The following CAST variants were observed in gnomAD, a reference collection of about 807,000 sequenced individuals.
The protein encoded by CAST is MIR583 host.
CAST carries 76 observed loss-of-function variants against 119.6 expected under a neutral mutation model. The observed-to-expected ratio is 0.64, with a 90% CI of 0.53 to 0.77. The LOEUF (loss-of-function observed/expected upper bound fraction) is 0.77, where lower values mean the gene tolerates loss of function less well. Among genes scored for constraint, CAST ranks in the 30% least tolerant of loss-of-function variants. The pLI is 0.00. For synonymous variants in CAST, 319 were observed against 331.6 expected, an observed-to-expected ratio of 0.96 and a Z score of 0.41; for missense variants, 953 against 946.5, an observed-to-expected ratio of 1.01 and a Z score of -0.09.
intron 4 of CAST, 105 bp from the exon 5 acceptor site, chr5:96,726,689 T>C (rs1040638673): frequency 1.2e-5 from 9 of 738,052 alleles, no homozygotes; most frequent in African/African-American, 5.3e-5. Flanking sequence ...GTAGATGCAA[T>C]AGATGAATAG....
the CAST span, among the ~76,000 whole-genome samples, chr5:96,474,798 T>C: frequency 6.6e-6 from 1 of 152,164 alleles, no homozygotes; most frequent in Non-Finnish European, 1.5e-5. Context: ...AGGTACTCTA[T>C]GAGATACCGT....
At chr5:96,559,930 C>T (rs1168555765) in intron 1 of CAST, among the ~76,000 whole-genome samples, 4 of 152,112 alleles carry the variant, frequency 2.6e-5, no homozygotes, top group South Asian at 2.1e-4. Flanking sequence ...AAGCTGGAGG[C>T]GTCACACTAC....
the CAST span, among the ~76,000 whole-genome samples, chr5:96,242,695 T>C: frequency 2.0e-5 from 3 of 152,222 alleles, no homozygotes; most frequent in Admixed American, 2.0e-4. Flanking sequence ...CTGAAGGTGA[T>C]TTTCTTTTGT....
chr5:96,387,389 C>T, the CAST span, among the ~76,000 whole-genome samples: 53,838 of 151,868 alleles, frequency 0.35, 9,796 homozygotes, highest in Admixed American at 0.44. Context: ...ATGACCAGAG[C>T]CAAGGGCCTA....
intron 1 of CAST, among the ~76,000 whole-genome samples, chr5:96,534,769 G>GA (rs753049745): frequency 1.8e-5 from 2 of 110,356 alleles, no homozygotes; most frequent in Non-Finnish European, 3.8e-5. Context: ...AAGAAAGAAA[G>GA]AAAGAAAGAA....
intron 1 of CAST, among the ~76,000 whole-genome samples, chr5:96,622,421 T>G (rs1747630034): frequency 6.6e-6 from 1 of 152,148 alleles, no homozygotes; most frequent in Non-Finnish European, 1.5e-5. Flanking sequence ...TTACATAAAA[T>G]CTGGCTCCAG....
the CAST span, among the ~76,000 whole-genome samples, chr5:96,384,327 T>C: frequency 6.6e-6 from 1 of 152,200 alleles, no homozygotes; most frequent in East Asian, 1.9e-4. Context: ...ACATCTGTAC[T>C]CTAGTGACAA....
chr5:96,598,546 T>A (rs1176339997), intron 1 of CAST, among the ~76,000 whole-genome samples: 1 of 152,214 alleles, frequency 6.6e-6, no homozygotes, highest in Non-Finnish European at 1.5e-5. Context: ...TTGGGTGACA[T>A]GGGCTGGATC....
chr5:96,378,005 G>A, the CAST span, among the ~76,000 whole-genome samples: 38 of 152,244 alleles, frequency 2.5e-4, no homozygotes, highest in East Asian at 6.6e-3. Context: ...CCTGCCATCT[G>A]TGACCATATG....
At chr5:96,661,739 TG>T (rs1271295564), upstream of CAST, among the ~76,000 whole-genome samples, 3 of 152,246 alleles carry the variant, frequency 2.0e-5, no homozygotes, top group African/African-American at 7.2e-5. Context: ...GGTTTAAATT[TG>T]GGACTGTTCT....
At chr5:96,260,817 G>A in the CAST span, among the ~76,000 whole-genome samples, 4 of 152,312 alleles carry the variant, frequency 2.6e-5, no homozygotes, top group East Asian at 1.9e-4. Flanking sequence ...TAGCTCTTCC[G>A]TGTTGCTTAA....
intron 18 of CAST, 72 bp from the exon 19 acceptor site, chr5:96,748,446 C>T (rs1764248599): frequency 4.3e-6 from 3 of 689,808 alleles, no homozygotes; most frequent in South Asian, 4.4e-5. Flanking sequence ...AAAAAAATTG[C>T]TCCATGAAAA....
intron 1 of CAST, among the ~76,000 whole-genome samples, chr5:96,546,821 A>G (rs1403854719): frequency 6.6e-6 from 1 of 152,148 alleles, no homozygotes; most frequent in East Asian, 1.9e-4. Context: ...TTCCTAAGTG[A>G]TTGCTGTCTG....
At chr5:96,445,563 A>C in the CAST span, among the ~76,000 whole-genome samples, 17 of 152,156 alleles carry the variant, frequency 1.1e-4, no homozygotes, top group African/African-American at 3.4e-4. Context: ...CTCTTCATAC[A>C]GTTTCTTCAT....
chr5:96,545,306 C>T (rs1256226254), intron 1 of CAST: 2 of 152,170 alleles, frequency 1.3e-5, no homozygotes, highest in Non-Finnish European at 2.9e-5. Flanking sequence ...TAATAAGAAT[C>T]TGCATTTCCA....
chr5:96,527,253 A>G (rs914045144), upstream of CAST, among the ~76,000 whole-genome samples: 3 of 152,198 alleles, frequency 2.0e-5, no homozygotes, highest in Admixed American at 2.0e-4. Flanking sequence ...TAGGGGGCCA[A>G]TGAGGAATTT....
chr5:96,084,808 GAGGGC>G, the CAST span, among the ~76,000 whole-genome samples: 2 of 152,170 alleles, frequency 1.3e-5, no homozygotes, highest in Non-Finnish European at 2.9e-5. Flanking sequence ...TTGGCTAGAG[GAGGGC>G]AGGGTAAACC....
the CAST span, among the ~76,000 whole-genome samples, chr5:96,043,253 G>A: frequency 6.6e-6 from 1 of 152,056 alleles, no homozygotes; most frequent in African/African-American, 2.4e-5. Flanking sequence ...GCAGAATGCC[G>A]ACCAGTAAGT....
chr5:95,964,768 C>T, the CAST span, among the ~76,000 whole-genome samples: 5 of 152,184 alleles, frequency 3.3e-5, no homozygotes, highest in Non-Finnish European at 4.4e-5. Context: ...GAGGCAGGGT[C>T]GGAATCAGCT....
Sources: gnomAD v4.1 joint callset for allele counts (sites outside exome capture counted in the v4.1 genomes callset) on GRCh38, gnomAD v4.1.1 for gene constraint, MANE v1.5 for transcripts, NCBI Gene and HGNC (gene_info 2026-07-23, HGNC 2026-07-21) for gene names.